SAMTOR: variants seen among roughly 807,000 people sequenced by gnomAD.
SAMTOR encodes the protein S-adenosylmethionine sensor upstream of mTORC1.
chr7:112,842,733 G>GTACTGTATTACAT, the SAMTOR span, among the ~76,000 whole-genome samples: 10 of 151,954 alleles, frequency 6.6e-5, no homozygotes, highest in African/African-American at 1.9e-4. Context: ...GTTCATTGAT[G>GTACTGTATTACAT]TGAAAGTACT....
chr7:112,905,394 C>T, the SAMTOR span, among the ~76,000 whole-genome samples: 4 of 152,120 alleles, frequency 2.6e-5, no homozygotes, highest in Admixed American at 2.6e-4. Context: ...GTGAGACAAC[C>T]CCAAAAGTAC....
the SAMTOR span, among the ~76,000 whole-genome samples, chr7:112,908,125 AG>A: frequency 6.6e-6 from 1 of 152,204 alleles, no homozygotes; most frequent in Non-Finnish European, 1.5e-5. Flanking sequence ...GGTTAATTTT[AG>A]GTATCAATTG....
the SAMTOR span, among the ~76,000 whole-genome samples, chr7:112,883,673 G>T: frequency 3.3e-5 from 5 of 152,172 alleles, no homozygotes; most frequent in Admixed American, 3.3e-4. Flanking sequence ...CTGTAGGAAT[G>T]ATCCTATGAT....
chr7:112,829,277 C>T, the SAMTOR span, among the ~76,000 whole-genome samples: 1 of 152,078 alleles, frequency 6.6e-6, no homozygotes, highest in Non-Finnish European at 1.5e-5. Flanking sequence ...TCACATCACA[C>T]ATTATAGTAT....
At chr7:112,856,995 T>C in the SAMTOR span, among the ~76,000 whole-genome samples, 1 of 150,022 alleles carries the variant, frequency 6.7e-6, no homozygotes, top group Non-Finnish European at 1.5e-5. Context: ...GAGTTACATA[T>C]AATCTGAACA....
At chr7:112,887,018 T>C in the SAMTOR span, among the ~76,000 whole-genome samples, 8 of 151,548 alleles carry the variant, frequency 5.3e-5, no homozygotes, top group Admixed American at 5.3e-4. Flanking sequence ...TACAAAAAAT[T>C]AGCTGAGCAT....
the SAMTOR span, among the ~76,000 whole-genome samples, chr7:112,851,304 C>T: frequency 6.6e-6 from 1 of 152,212 alleles, no homozygotes; most frequent in South Asian, 2.1e-4. Context: ...AATTACACCA[C>T]AAGGCTATAA....
chr7:112,939,775 G>A, the SAMTOR span: 6 of 1,539,532 alleles, frequency 3.9e-6, no homozygotes, highest in Admixed American at 1.8e-5. Context: ...CGCCGCCGCC[G>A]CCCCTCAGGC....
chr7:112,891,925 A>C, the SAMTOR span, among the ~76,000 whole-genome samples: 1 of 152,214 alleles, frequency 6.6e-6, no homozygotes, highest in South Asian at 2.1e-4. Flanking sequence ...ACAACACTAA[A>C]GTTTGCCACA....
the SAMTOR span, among the ~76,000 whole-genome samples, chr7:112,890,546 C>G: frequency 1.3e-5 from 2 of 151,874 alleles, no homozygotes; most frequent in African/African-American, 4.8e-5. Flanking sequence ...AAGCATAGTC[C>G]ATACTCAGGG....
chr7:112,864,168 C>T, the SAMTOR span, among the ~76,000 whole-genome samples: 1 of 152,184 alleles, frequency 6.6e-6, no homozygotes, highest in Non-Finnish European at 1.5e-5. Flanking sequence ...ACCACATGTT[C>T]TCACTTATAG....
the SAMTOR span, among the ~76,000 whole-genome samples, chr7:112,846,404 A>C: frequency 2.0e-5 from 3 of 152,130 alleles, no homozygotes; most frequent in African/African-American, 7.2e-5. Context: ...AGAAAAAATA[A>C]CTATTGGATA....
At chr7:112,840,550 TA>T in the SAMTOR span, among the ~76,000 whole-genome samples, 3 of 151,882 alleles carry the variant, frequency 2.0e-5, no homozygotes, top group South Asian at 2.1e-4. Flanking sequence ...TTAACCATTT[TA>T]TTTTTTTTAT....
At chr7:112,925,446 A>C in the SAMTOR span, among the ~76,000 whole-genome samples, 1 of 152,230 alleles carries the variant, frequency 6.6e-6, no homozygotes, top group Non-Finnish European at 1.5e-5. Flanking sequence ...GGGAAAAGCT[A>C]TGCTTAAAAC....
At chr7:112,828,757 G>A in the SAMTOR span, among the ~76,000 whole-genome samples, 4 of 152,028 alleles carry the variant, frequency 2.6e-5, no homozygotes, top group South Asian at 2.1e-4. Context: ...ACTGGCTAAA[G>A]CACTTCCACC....
chr7:112,871,701 C>T, the SAMTOR span, among the ~76,000 whole-genome samples: 1,621 of 151,956 alleles, frequency 0.011, 28 homozygotes, highest in African/African-American at 0.037. Context: ...AAAAACCATA[C>T]AAATGATCAA....
chr7:112,830,419 C>T, the SAMTOR span, among the ~76,000 whole-genome samples: 17 of 152,176 alleles, frequency 1.1e-4, no homozygotes, highest in Admixed American at 9.2e-4. Context: ...TTATGTATAG[C>T]CGTCTTTTGT....
At chr7:112,883,555 G>T in the SAMTOR span, among the ~76,000 whole-genome samples, 1 of 152,196 alleles carries the variant, frequency 6.6e-6, no homozygotes, top group Non-Finnish European at 1.5e-5. Context: ...TATAGCAAGG[G>T]TAATGGACAT....
the SAMTOR span, among the ~76,000 whole-genome samples, chr7:112,867,959 T>A: frequency 6.6e-6 from 1 of 152,170 alleles, no homozygotes; most frequent in Non-Finnish European, 1.5e-5. Flanking sequence ...CAGCATTAGA[T>A]TCTCATAGGA....
Sources: gnomAD v4.1 joint callset for allele counts (sites outside exome capture counted in the v4.1 genomes callset) on GRCh38, gnomAD v4.1.1 for gene constraint, MANE v1.5 for transcripts, NCBI Gene and HGNC (gene_info 2026-07-23, HGNC 2026-07-21) for gene names.